Variants in NRAP observed in about 807,000 individuals in gnomAD.
NRAP encodes nebulin related anchoring protein.
A neutral mutation model predicts 225.9 loss-of-function variants in NRAP; 189 were observed. That is an observed-to-expected ratio of 0.84 (90% confidence interval 0.74 to 0.94). The LOEUF is 0.94. Ranked by LOEUF, NRAP falls within the 40% of genes least tolerant of loss-of-function variation. NRAP has a pLI of 0.00. For missense variants in NRAP, 2,176 were observed against 2,168.7 expected (o/e 1.00, Z -0.07); for synonymous variants, 769 against 790.7 (o/e 0.97, Z 0.46).
intron 41 of NRAP, chr10:113,589,372 A>G (rs1330181875): frequency 1.8e-6 from 1 of 566,848 alleles, no homozygotes; most frequent in African/African-American, 1.9e-5. Flanking sequence ...GTAACGAGCA[A>G]GCAGTCAGCA....
At chr10:113,626,821 C>A (rs3127088) in intron 20 of NRAP, among the ~76,000 whole-genome samples, 43,991 of 152,144 alleles carry the variant, frequency 0.29, 6,573 homozygotes, top group Admixed American at 0.36. Flanking sequence ...TCTTGTCCTC[C>A]TAGTGTCCCC....
chr10:113,639,883 T>C (rs1253444660), intron 14 of NRAP, among the ~76,000 whole-genome samples: 1 of 152,174 alleles, frequency 6.6e-6, no homozygotes, highest in Non-Finnish European at 1.5e-5. Flanking sequence ...ATAACAAACC[T>C]TTTTTTAAAG....
intron 1 of NRAP, 56 bp from the exon 2 acceptor site, chr10:113,663,502 T>C (rs1850825752): frequency 9.1e-7 from 1 of 1,095,332 alleles, no homozygotes. Context: ...AGACTCAAGG[T>C]TCTTATATAT....
chr10:113,614,618 C>T (rs1029371502), intron 28 of NRAP, among the ~76,000 whole-genome samples: 8 of 152,146 alleles, frequency 5.3e-5, no homozygotes, highest in Admixed American at 2.0e-4. Context: ...TGCCCAGGGT[C>T]TATGTTTACA....
chr10:113,616,431 A>G (rs906861067), intron 26 of NRAP, among the ~76,000 whole-genome samples: 1 of 152,242 alleles, frequency 6.6e-6, no homozygotes, highest in Non-Finnish European at 1.5e-5. Context: ...GTTTCTACGT[A>G]TCACAGCAGT....
Position 113,622,119 on chromosome 10 carries a change from T to C in NRAP, c.2519A>G (p.Gln840Arg). 5.6e-6 allele frequency: 9 copies of C among 1,614,092 alleles called. No homozygotes were observed. Among genetic ancestry groups the C allele is most frequent in the Non-Finnish European group, 7.6e-6 (9 of 1,179,904 alleles). The change falls in exon 24 of 42, where the codon CAG becomes CGG. Residue 840 changes from glutamine (Q) to arginine (R), a missense_variant. Gln to Arg is a conservative substitution (Grantham distance 43). Transcript: ENST00000359988. The part of the protein sequence containing the change: ...RGKLIGAKDV[Q>R]GDSQMSHSLQ... ...TGAGTGGCTCATTTGCGAATCTCCC[T>C]GTACATCTTTTGCCCCAATGAGCTT...
At chr10:113,652,813 T>C in intron 6 of NRAP, 122 bp downstream of exon 6, 1 of 684,624 alleles carries the variant, frequency 1.5e-6, no homozygotes, top group Non-Finnish European at 2.6e-6. Context: ...TTCTCTGTAA[T>C]ATGACACTAA....
chr10:113,621,394 C>T (rs1847977887), intron 24 of NRAP, among the ~76,000 whole-genome samples: 1 of 151,920 alleles, frequency 6.6e-6, no homozygotes, highest in South Asian at 2.1e-4. Flanking sequence ...CAGTTCACCC[C>T]CATTCTTGTG....
chr10:113,597,023 C>A (rs1199858965), intron 37 of NRAP, 63 bp downstream of exon 37: 1 of 1,105,014 alleles, frequency 9.0e-7, no homozygotes. Context: ...TGTTCTTAGA[C>A]CCGGACCACT....
chr10:113,590,454 G>GTGTC, intron 40 of NRAP, 124 bp downstream of exon 40: 1 of 833,864 alleles, frequency 1.2e-6, no homozygotes, highest in Non-Finnish European at 1.9e-6. Context: ...AAAGTGTTAG[G>GTGTC]TGTCTTGGAT....
At position 113,589,037 on chromosome 10, in the gene NRAP, C is replaced by T; in HGVS notation, c.5131G>A (p.Glu1711Lys). 6.2e-7 allele frequency: 1 copy of T among 1,614,004 alleles called. No homozygotes were observed. Among genetic ancestry groups the T allele is most frequent in the Non-Finnish European group, 8.5e-7 (1 of 1,179,978 alleles). ...ATCTCAGTGGCATCTGGGTTCACCT[C>T]CCCACTCTGATGATCTCCAGCCTCC... ...AVEAGDHQSG[E>K]VNPDATEILH... The change falls in exon 42 of 42, where the codon GAG becomes AAG. Residue 1711 changes from glutamate to lysine, a missense_variant. Around this residue, in one of 3 missense-constraint regions of NRAP, gnomAD observed 445 missense variants for 426.1 expected, o/e 1.04. Coordinates refer to ENST00000359988, the MANE Select transcript of NRAP (RefSeq NM_198060.4).
intron 24 of NRAP, 114 bp downstream of exon 24, chr10:113,621,755 A>G: frequency 3.2e-6 from 3 of 949,118 alleles, no homozygotes; most frequent in Non-Finnish European, 4.7e-6. Context: ...GGATCCAGAA[A>G]CAGGTGTCCC....
In NRAP at chr10:113,659,469, C is replaced by T. The variant is rs554057882; in HGVS notation, c.256-1895G>A. On this transcript the variant is annotated intron_variant, in intron 3 of 41. Transcript: ENST00000359988. ...CAAAAGACCAAAATAGATATTCTGT[C>T]CACTTCTAGAAAGTTATATTTGCTG... 7.9e-5 allele frequency among the ~76,000 whole-genome samples: 12 copies of T among 152,298 alleles called. 2 individuals carry two copies. In the South Asian group the frequency reaches 2.5e-3, roughly 32 times the overall value.
chr10:113,660,274 C>T (rs1850586300), intron 3 of NRAP, among the ~76,000 whole-genome samples: 2 of 151,998 alleles, frequency 1.3e-5, no homozygotes, highest in African/African-American at 4.8e-5. Flanking sequence ...TGTGCACACA[C>T]ATACTCATGC....
chr10:113,597,973 C>T lies in NRAP; in HGVS notation c.4328G>A (p.Ser1443Asn), dbSNP rs371526036. ...ESAKKAGELI[S>N]ETKYRKKPDS... ...GTGGGGACAGGTTGATGGTACCTCG[C>T]TGATGAGTTCTCCAGCCTTCTTTGC... Residue 1443 changes from serine (S) to asparagine (N), a missense_variant, in exon 36 of 42, where the codon AGC becomes AAC. Physicochemically the swap from Ser to Asn is conservative, Grantham distance 46. This residue lies in a region of NRAP where 445 missense variants were observed against 426.1 expected (regional missense o/e 1.04). Coordinates refer to ENST00000359988, the MANE Select transcript of NRAP (RefSeq NM_198060.4). The T allele has an allele frequency of 6.2e-7, 1 of 1,608,310 alleles. No individual in the cohort carries two copies. The highest frequency in any genetic ancestry group is 8.5e-7 in the Non-Finnish European group (1 of 1,174,796).
intron 12 of NRAP, among the ~76,000 whole-genome samples, chr10:113,642,540 T>G (rs1347379074): frequency 2.6e-5 from 4 of 152,120 alleles, no homozygotes; most frequent in Non-Finnish European, 5.9e-5. Context: ...AAATAACATC[T>G]GGCTCTCCAG....
In NRAP at chr10:113,651,798, C is replaced by T. The variant is rs1358229845; in HGVS notation, c.675+5G>A. On this transcript the variant is annotated splice_donor_5th_base_variant and intron_variant, in intron 7 of 41. Transcript: ENST00000359988. ...AGTGATGGACTGGCCTCCCTCCTTTCTTACATCACTTTGAAGCTGTGCCCC... is the reference window on the plus strand; with the variant it reads ...AGTGATGGACTGGCCTCCCTCCTTTTTTACATCACTTTGAAGCTGTGCCCC... 2 of 1,590,834 alleles carry T rather than the reference C, an allele frequency of 1.3e-6. No individual in the cohort carries two copies. Among genetic ancestry groups the T allele is most frequent in the South Asian group, 2.2e-5 (2 of 90,522 alleles).
At chr10:113,613,417 C>G (rs1564715437) in intron 29 of NRAP, among the ~76,000 whole-genome samples, 1 of 152,206 alleles carries the variant, frequency 6.6e-6, no homozygotes, top group Non-Finnish European at 1.5e-5. Context: ...AGAGTTTCTA[C>G]TTCCCTATGA....
intron 14 of NRAP, among the ~76,000 whole-genome samples, chr10:113,635,563 A>G (rs1036026377): frequency 6.6e-6 from 1 of 152,104 alleles, no homozygotes; most frequent in African/African-American, 2.4e-5. Flanking sequence ...TGGTAGCTGG[A>G]ACTACAGGCG....
Sources: gnomAD v4.1 joint callset for allele counts (sites outside exome capture counted in the v4.1 genomes callset) on GRCh38, gnomAD v4.1.1 for gene constraint, gnomAD v4.1.1 regional missense constraint, MANE v1.5 for transcripts, NCBI Gene and HGNC (gene_info 2026-07-23, HGNC 2026-07-21) for gene names.